Variants in CEP112 observed in about 807,000 individuals in gnomAD.
CEP112 encodes the protein centrosomal protein 112, also known as centrosomal protein of 112 kDa.
In CEP112, 127 loss-of-function variants were observed where a neutral mutation model predicts 153.0. The ratio of observed to expected loss-of-function variants is 0.83; its 90% CI spans 0.72 to 0.96. The LOEUF (loss-of-function observed/expected upper bound fraction) is 0.96. Ranked by LOEUF, CEP112 falls within the 40% of genes least tolerant of loss-of-function variation. The probability of loss-of-function intolerance (pLI) is 0.00; values close to 1 mark genes in which losing one functional copy is unlikely to be tolerated. For synonymous variants in CEP112, 358 were observed against 374.4 expected, an observed-to-expected ratio of 0.96 and a Z score of 0.51; for missense variants, 1,089 against 1,101.2, an observed-to-expected ratio of 0.99 and a Z score of 0.16.
intron 24 of CEP112, among the ~76,000 whole-genome samples, chr17:65,683,809 C>A (rs931330411): frequency 6.6e-6 from 1 of 152,000 alleles, no homozygotes; most frequent in South Asian, 2.1e-4. Flanking sequence ...TTTGGAAGGC[C>A]GAGGCAGGCA....
chr17:65,892,739 G>C (rs749934010), intron 20 of CEP112, among the ~76,000 whole-genome samples: 11 of 152,080 alleles, frequency 7.2e-5, no homozygotes, highest in Admixed American at 4.6e-4. Flanking sequence ...TAATTGAAGA[G>C]CAAAAGTTTT....
At chr17:65,911,798 T>C (rs2060294308) in intron 19 of CEP112, among the ~76,000 whole-genome samples, 2 of 152,226 alleles carry the variant, frequency 1.3e-5, no homozygotes, top group South Asian at 4.1e-4. Flanking sequence ...AGAAAATTGT[T>C]TTTGTCTATA....
intron 23 of CEP112, among the ~76,000 whole-genome samples, chr17:65,719,965 A>C (rs978254266): frequency 6.6e-6 from 1 of 152,188 alleles, no homozygotes; most frequent in Non-Finnish European, 1.5e-5. Flanking sequence ...GAGCCTGTTC[A>C]GAAGCAGGGG....
At chr17:66,171,246 C>T (rs2072231360) in intron 4 of CEP112, among the ~76,000 whole-genome samples, 1 of 152,042 alleles carries the variant, frequency 6.6e-6, no homozygotes, top group Admixed American at 6.6e-5. Context: ...AGAAATACTT[C>T]ACATACAAAA....
chr17:65,950,452 T>C (rs1356602582), intron 18 of CEP112, among the ~76,000 whole-genome samples: 1 of 152,198 alleles, frequency 6.6e-6, no homozygotes, highest in Admixed American at 6.5e-5. Flanking sequence ...ATTTATTTTA[T>C]TTGTTTACTT....
At chr17:65,954,576 A>C (rs1015367271) in intron 18 of CEP112, among the ~76,000 whole-genome samples, 1 of 152,188 alleles carries the variant, frequency 6.6e-6, no homozygotes, top group Admixed American at 6.5e-5. Flanking sequence ...GAGGCATCAG[A>C]GAAAGGTGAG....
chr17:65,846,342 C>A (rs900066897), intron 21 of CEP112, among the ~76,000 whole-genome samples: 1 of 152,018 alleles, frequency 6.6e-6, no homozygotes, highest in African/African-American at 2.4e-5. Context: ...CAAAGTATGT[C>A]TCAATAAAGA....
chr17:65,774,076 G>A (rs1325821741), intron 21 of CEP112, among the ~76,000 whole-genome samples: 1 of 135,332 alleles, frequency 7.4e-6, no homozygotes, highest in African/African-American at 3.0e-5. Context: ...GACAAAGTGA[G>A]GCTCCATCTC....
chr17:65,894,231 G>T (rs1346604310), intron 20 of CEP112, among the ~76,000 whole-genome samples: 1 of 152,050 alleles, frequency 6.6e-6, no homozygotes, highest in Non-Finnish European at 1.5e-5. Flanking sequence ...CATTCTGCAT[G>T]CAGAATAATG....
Position 66,024,077 on chromosome 17 carries a change from G to A in CEP112, c.1656+3424C>T, listed in dbSNP as rs114206977. ...AATTAATGGCAAAAACCATATGACCGTCTCAACAGATGCAGAAAAAGCATT... is the reference window on the plus strand; with the variant it reads ...AATTAATGGCAAAAACCATATGACCATCTCAACAGATGCAGAAAAAGCATT... On this transcript the variant is annotated intron_variant, in intron 16 of 26. Coordinates refer to ENST00000535342, the MANE Select transcript of CEP112 (RefSeq NM_001199165.4). Among the ~76,000 whole-genome samples the A allele has an allele frequency of 5.3e-3, 801 of 152,162 alleles. 4 individuals carry two copies. Among genetic ancestry groups the A allele is most frequent in the Middle Eastern group, 0.017 (5 of 294 alleles).
At chr17:65,855,560 T>C (rs1398949622) in intron 20 of CEP112, among the ~76,000 whole-genome samples, 2 of 152,152 alleles carry the variant, frequency 1.3e-5, no homozygotes, top group Non-Finnish European at 2.9e-5. Flanking sequence ...TTCATAATCT[T>C]GTCCTTCTAT....
intron 18 of CEP112, among the ~76,000 whole-genome samples, chr17:65,930,967 C>G (rs550649498): frequency 6.6e-6 from 1 of 152,236 alleles, no homozygotes; most frequent in African/African-American, 2.4e-5. Flanking sequence ...TCTCTATGCT[C>G]TAGGACTTAA....
chr17:65,784,669 C>T lies in CEP112; in HGVS notation c.2395-33945G>A, dbSNP rs141788936. On this transcript the variant is annotated intron_variant, in intron 21 of 26. Transcript: ENST00000535342. ...CAAATTTTTGTATTTTTAGTAGAGA[C>T]GGGGTTTCACCATATTGACCAGGCT... Among the ~76,000 whole-genome samples the T allele has an allele frequency of 2.3e-3, 353 of 152,118 alleles. 2 individuals carry two copies. The highest frequency in any genetic ancestry group is 0.014 in the Middle Eastern group (4 of 294).
intron 17 of CEP112, among the ~76,000 whole-genome samples, chr17:65,969,748 C>A (rs73992167): frequency 6.6e-6 from 1 of 152,126 alleles, no homozygotes; most frequent in Admixed American, 6.5e-5. Context: ...ATACACTACA[C>A]GAATGCTTAT....
intron 21 of CEP112, among the ~76,000 whole-genome samples, chr17:65,798,314 G>A (rs1598615486): frequency 6.6e-6 from 1 of 152,106 alleles, no homozygotes. Context: ...ATGTATCTGA[G>A]TGAAATATTC....
intron 21 of CEP112, among the ~76,000 whole-genome samples, chr17:65,843,080 C>A (rs1319257315): frequency 6.6e-6 from 1 of 151,862 alleles, no homozygotes; most frequent in East Asian, 1.9e-4. Context: ...AGATTATAAC[C>A]CCTGTCATAG....
At chr17:65,966,303 T>C (rs2062411540) in intron 17 of CEP112, among the ~76,000 whole-genome samples, 1 of 152,228 alleles carries the variant, frequency 6.6e-6, no homozygotes, top group Non-Finnish European at 1.5e-5. Flanking sequence ...CAATAAAATG[T>C]AGGGAACTAA....
intron 24 of CEP112, among the ~76,000 whole-genome samples, chr17:65,673,736 T>C (rs2047092548): frequency 6.6e-6 from 1 of 152,022 alleles, no homozygotes; most frequent in Admixed American, 6.6e-5. Context: ...TTGGAAACCA[T>C]AGGGAAAAAG....
chr17:66,049,946 C>T (rs1039311049), intron 12 of CEP112, among the ~76,000 whole-genome samples: 1 of 151,744 alleles, frequency 6.6e-6, no homozygotes, highest in Non-Finnish European at 1.5e-5. Context: ...TAGCATAAGA[C>T]CTAAGAGGTA....
Sources: gnomAD v4.1 joint callset for allele counts (sites outside exome capture counted in the v4.1 genomes callset) on GRCh38, gnomAD v4.1.1 for gene constraint, MANE v1.5 for transcripts, NCBI Gene and HGNC (gene_info 2026-07-23, HGNC 2026-07-21) for gene names.